Variants in OR52A5 observed in about 807,000 individuals in gnomAD.
OR52A5 encodes the protein olfactory receptor family 52 subfamily A member 5, also known as olfactory receptor 52A5.
Under a neutral mutation model 18.2 loss-of-function variants are expected in OR52A5, and 16 were observed. The ratio of observed to expected loss-of-function variants is 0.88; its 90% CI spans 0.60 to 1.34. OR52A5 has a LOEUF of 1.34. OR52A5 is among the 40% of genes most tolerant of loss of function. The probability of loss-of-function intolerance (pLI) is 0.00; values close to 1 mark genes in which losing one functional copy is unlikely to be tolerated. For missense variants in OR52A5, 418 were observed against 383.0 expected (o/e 1.09, Z -0.76); for synonymous variants, 140 against 137.2 (o/e 1.02, Z -0.14).
chr11:5,135,757 C>G lies in OR52A5; in HGVS notation c.-61+2554G>C, dbSNP rs527734712. 2.7e-4 allele frequency among the ~76,000 whole-genome samples: 41 copies of G among 152,254 alleles called. 1 individual carries two copies. In the South Asian group the frequency reaches 8.3e-3, roughly 31 times the overall value. On this transcript the variant is annotated intron_variant, in intron 1 of 1. Coordinates refer to ENST00000307388, the MANE Select transcript of OR52A5 (RefSeq NM_001005160.3). ...AAACCTACCTACAAACCTGGAAGCA[C>G]CCCTGATTTCTGGACCTAACCAATG...
intron 1 of OR52A5, among the ~76,000 whole-genome samples, chr11:5,135,755 C>A (rs1434455375): frequency 6.6e-6 from 1 of 152,164 alleles, no homozygotes; most frequent in Non-Finnish European, 1.5e-5. Context: ...AACCTGGAAG[C>A]ACCCCTGATT....
At chr11:5,135,412 T>C (rs892183692) in intron 1 of OR52A5, among the ~76,000 whole-genome samples, 1 of 152,158 alleles carries the variant, frequency 6.6e-6, no homozygotes. Flanking sequence ...TTGAACAACA[T>C]ACCATCCAAA....
rs911430788 is a variant in OR52A5, at chr11:5,131,638, T to G, written c.*54A>C. 2 of 980,926 alleles carry G rather than the reference T, an allele frequency of 2.0e-6. No individual in the cohort carries two copies. The highest frequency in any genetic ancestry group is 3.3e-5 in the African/African-American group (2 of 60,960). The allele number at this position is 980,926 out of a possible 1,614,324, so 60.8% of individuals were successfully genotyped here. Reference sequence around the variant, plus strand: ...GAATATTGATCTGTGACTTTCATTATATTTAGGTTTTTACTTAGAACCAAC... The same window carrying G: ...GAATATTGATCTGTGACTTTCATTAGATTTAGGTTTTTACTTAGAACCAAC... On this transcript the variant is annotated 3_prime_UTR_variant, in exon 2 of 2. Transcript: ENST00000307388.
chr11:5,132,201 G>T lies in OR52A5; in HGVS notation c.442C>A (p.Leu148Ile), dbSNP rs748700676. ...FSQQFLTHIG[L>I]GVTLRAAILI... ...ATGGCAGCCCTGAGTGTCACCCCAA[G>T]TCCAATATGAGTTAAGAACTGCTGG... Residue 148 changes from leucine (L) to isoleucine (I), a missense_variant, in exon 2 of 2, where the codon CTT becomes ATT. Coordinates refer to ENST00000307388, the MANE Select transcript of OR52A5 (RefSeq NM_001005160.3). The T allele has an allele frequency of 6.2e-7, 1 of 1,614,110 alleles. No homozygotes were observed. Among genetic ancestry groups the T allele is most frequent in the South Asian group, 1.1e-5 (1 of 91,064 alleles).
In OR52A5 at chr11:5,129,953, T is replaced by C. The variant is rs75302720; in HGVS notation, c.*1739A>G. ...AATTGTTCTTTTTATTAATTACAGG[T>C]TTAAATGGCTTGAAATGCCAACCCA... On this transcript the variant is annotated 3_prime_UTR_variant, in exon 2 of 2. Transcript: ENST00000307388. The C allele has an allele frequency of 5.1e-3, 778 of 152,284 alleles. 7 individuals are homozygous for C. The highest frequency in any genetic ancestry group is 0.018 in the African/African-American group (739 of 41,568). The allele number at this position is 152,284 out of a possible 1,614,324, so 9.4% of individuals were successfully genotyped here. A position where few individuals can be genotyped will look rare whatever the true frequency, so the allele number is the denominator to read the frequency against.
At chr11:5,137,891 C>T (rs754507078) in intron 1 of OR52A5, among the ~76,000 whole-genome samples, 7 of 152,120 alleles carry the variant, frequency 4.6e-5, no homozygotes, top group East Asian at 1.9e-4. Context: ...TGATTGGCAC[C>T]GGCTATTTTT....
intron 1 of OR52A5, among the ~76,000 whole-genome samples, chr11:5,134,867 A>AT: frequency 6.6e-6 from 1 of 152,076 alleles, no homozygotes; most frequent in East Asian, 1.9e-4. Context: ...GTCCTCTGAG[A>AT]TTTTTTAATT....
chr11:5,138,063 G>A (rs1488257526), intron 1 of OR52A5: 1 of 152,084 alleles, frequency 6.6e-6, no homozygotes, highest in Non-Finnish European at 1.5e-5. Flanking sequence ...TCATTCTCTA[G>A]ATGTCCTCCC....
rs1306532476 is a variant in OR52A5, at chr11:5,133,468, CCA to C, written c.-60-768_-60-767del. Among the ~76,000 whole-genome samples the C allele has an allele frequency of 2.7e-5, 4 of 146,538 alleles. No individual in the cohort carries two copies. The East Asian group carries it at 8.0e-4, about 29-fold the overall frequency. ...CTGAAATGTTCTTTAGTTTTGAAAT[CCA>C]CTGGCTGTTTTTTTTTTTTTTCCAG... On this transcript the variant is annotated intron_variant, in intron 1 of 1. Coordinates refer to ENST00000307388, the MANE Select transcript of OR52A5 (RefSeq NM_001005160.3).
chr11:5,138,001 T>G (rs1846407468), intron 1 of OR52A5, among the ~76,000 whole-genome samples: 1 of 152,228 alleles, frequency 6.6e-6, no homozygotes, highest in Non-Finnish European at 1.5e-5. Flanking sequence ...GCACGTTCAA[T>G]TTTCTTGGCT....
chr11:5,128,985 C>T lies in OR52A5; in HGVS notation c.*2707G>A, dbSNP rs551719446. Reference sequence around the variant, plus strand: ...TGCAAATATTATGGCATGTGAATTCCATCTCAGTAAAAATAAACAATTGAA... The same window carrying T: ...TGCAAATATTATGGCATGTGAATTCTATCTCAGTAAAAATAAACAATTGAA... On this transcript the variant is annotated 3_prime_UTR_variant, in exon 2 of 2. Coordinates refer to ENST00000307388, the MANE Select transcript of OR52A5 (RefSeq NM_001005160.3). The T allele has an allele frequency of 6.6e-6, 1 of 152,030 alleles. No homozygotes were observed. The highest frequency in any genetic ancestry group is 2.4e-5 in the African/African-American group (1 of 41,444). The allele number at this position is 152,030 out of a possible 1,614,324, so 9.4% of individuals were successfully genotyped here. A position where few individuals can be genotyped will look rare whatever the true frequency, so the allele number is the denominator to read the frequency against.
chr11:5,132,236 G>A lies in OR52A5; in HGVS notation c.407C>T (p.Thr136Ile), dbSNP rs558631823. 3.7e-6 allele frequency: 6 copies of A among 1,614,144 alleles called. No homozygotes were observed. Among genetic ancestry groups the A allele is most frequent in the Non-Finnish European group, 5.1e-6 (6 of 1,180,026 alleles). Residue 136 changes from threonine (T) to isoleucine (I), a missense_variant, in exon 2 of 2, where the codon ACC becomes ATC. Thr to Ile is a moderately conservative substitution (Grantham distance 89). Transcript: ENST00000307388. ...VAICIPLRHA[T>I]IFSQQFLTHI... is the part of the protein sequence containing the mutation. ...AGTTAAGAACTGCTGGGAAAAGATGGTGGCATGTCTCAAGGGGATACAGAT... is the reference window on the plus strand; with the variant it reads ...AGTTAAGAACTGCTGGGAAAAGATGATGGCATGTCTCAAGGGGATACAGAT...
At chr11:5,133,340 C>T (rs1251922206) in intron 1 of OR52A5, among the ~76,000 whole-genome samples, 1 of 137,852 alleles carries the variant, frequency 7.3e-6, no homozygotes. Flanking sequence ...TGCACTCCAG[C>T]CTGGACGACA....
rs1486834051 is a variant in OR52A5 at position 5,132,572 on chromosome 11, G to A, written c.71C>T (p.Ser24Leu). 3.7e-6 allele frequency: 6 copies of A among 1,613,952 alleles called. No individual in the cohort carries two copies. In the South Asian group the frequency reaches 6.6e-5, roughly 18 times the overall value. Residue 24 changes from serine (S) to leucine (L), a missense_variant, in exon 2 of 2, where the codon TCA (serine) becomes TTA (leucine). Ser to Leu is a moderately radical substitution (Grantham distance 145, BLOSUM62 -2). Transcript: ENST00000307388. ...FILIGIPGLE[S>L]VQCWIGIPFS... Reference sequence around the variant, plus strand: ...AGGAATCCCAATCCAACACTGCACTGACTCCAGACCAGGAATCCCAATTAG... The same window carrying A: ...AGGAATCCCAATCCAACACTGCACTAACTCCAGACCAGGAATCCCAATTAG...
chr11:5,136,482 TA>T (rs1846393419), intron 1 of OR52A5, among the ~76,000 whole-genome samples: 1 of 152,182 alleles, frequency 6.6e-6, no homozygotes, highest in African/African-American at 2.4e-5. Context: ...GTAGCAACAA[TA>T]AAAAATGCCT....
chr11:5,134,248 A>C (rs1488442037), intron 1 of OR52A5, among the ~76,000 whole-genome samples: 2 of 152,230 alleles, frequency 1.3e-5, no homozygotes, highest in Non-Finnish European at 2.9e-5. Context: ...ATTTAAGTAG[A>C]CTGCAAAATA....
chr11:5,136,662 G>C (rs1468931463), intron 1 of OR52A5, among the ~76,000 whole-genome samples: 1 of 152,140 alleles, frequency 6.6e-6, no homozygotes, highest in Non-Finnish European at 1.5e-5. Flanking sequence ...ACTGGGTATT[G>C]AGGGAAATAT....
chr11:5,135,536 G>C (rs536354341), intron 1 of OR52A5, among the ~76,000 whole-genome samples: 2 of 152,172 alleles, frequency 1.3e-5, no homozygotes, highest in African/African-American at 2.4e-5. Flanking sequence ...GAAGGGAAGT[G>C]GGGGTGAGAC....
At chr11:5,136,154 C>T (rs1846391258) in intron 1 of OR52A5, among the ~76,000 whole-genome samples, 1 of 151,824 alleles carries the variant, frequency 6.6e-6, no homozygotes, top group Admixed American at 6.6e-5. Context: ...GAAAAGACAG[C>T]AAAAAGAGAC....
Sources: allele counts gnomAD v4.1 joint callset (sites outside exome capture counted in the v4.1 genomes callset), GRCh38; gene constraint gnomAD v4.1.1; transcripts MANE v1.5; gene names NCBI Gene and HGNC (gene_info 2026-07-23, HGNC 2026-07-21).